The following PCDHGA5 variants were observed in gnomAD, a reference collection of about 807,000 sequenced individuals.
PCDHGA5 encodes the protein protocadherin gamma subfamily A, 5, also known as protocadherin gamma-A5.
In PCDHGA5, 36 loss-of-function variants were observed where a neutral mutation model predicts 56.7. That is an observed-to-expected ratio of 0.64 (90% confidence interval 0.49 to 0.84). The LOEUF is 0.84. Among genes scored for constraint, PCDHGA5 ranks in the 40% least tolerant of loss-of-function variants. The pLI is 0.00. For synonymous variants in PCDHGA5, 563 were observed against 520.2 expected (o/e 1.08, Z -1.12); for missense variants, 1,305 against 1,201.5 (o/e 1.09, Z -1.27).
chr5:141,413,431 G>C (rs963192857), intron 1 of PCDHGA5: 1 of 1,614,092 alleles, frequency 6.2e-7, no homozygotes, highest in Non-Finnish European at 8.5e-7. Flanking sequence ...CCCGCGCAGC[G>C]GCAGCTTGAT....
chr5:141,485,986 G>T lies in PCDHGA5; in HGVS notation c.2422-8821G>T, dbSNP rs2099622467. The T allele has an allele frequency of 1.2e-6, 2 of 1,614,084 alleles. No homozygotes were observed. Among genetic ancestry groups the T allele is most frequent in the African/African-American group, 1.3e-5 (1 of 74,936 alleles). On this transcript the variant is annotated intron_variant, in intron 1 of 3. Transcript: ENST00000518069. This position sits in a 1 kb window ranked among gnomAD's most constrained non-coding sequence, Gnocchi z 5.7. ...AGCTCAATGCCTCAGACCCGGACCT[G>T]GGTCCCAGTGGTAACGTCACCTTTT...
chr5:141,371,930 G>A (rs755224038), intron 1 of PCDHGA5: 5 of 1,613,242 alleles, frequency 3.1e-6, no homozygotes, highest in Non-Finnish European at 3.4e-6. Context: ...CGCGGAGCGG[G>A]GTGGTGTTCG....
At chr5:141,464,443 T>G (rs903733972) in intron 1 of PCDHGA5, among the ~76,000 whole-genome samples, 1 of 151,634 alleles carries the variant, frequency 6.6e-6, no homozygotes, top group African/African-American at 2.4e-5. Context: ...ATGTTTGTTG[T>G]TGTTGTTGTT....
chr5:141,417,566 C>G, intron 1 of PCDHGA5: 1 of 362,746 alleles, frequency 2.8e-6, no homozygotes. Context: ...AGAGAAAAGT[C>G]AAGTTGCAGT....
At chr5:141,387,732 C>A (rs940812767) in intron 1 of PCDHGA5, 15 of 1,279,330 alleles carry the variant, frequency 1.2e-5, no homozygotes, top group South Asian at 1.6e-5. Context: ...CAGCGCCAGC[C>A]TTTACACCGC....
intron 1 of PCDHGA5, chr5:141,389,942 G>T: frequency 1.2e-6 from 2 of 1,614,070 alleles, no homozygotes; most frequent in African/African-American, 2.7e-5. Flanking sequence ...AGGCTGAGCT[G>T]CAGTTTTACC....
chr5:141,420,256 T>C (rs377440259), intron 1 of PCDHGA5: 2 of 1,569,010 alleles, frequency 1.3e-6, no homozygotes, highest in Non-Finnish European at 1.7e-6. Flanking sequence ...TTGAAGCAGA[T>C]AAGAAGATTC....
At chr5:141,480,828 TAAGATC>T (rs1054950452) in intron 1 of PCDHGA5, among the ~76,000 whole-genome samples, 22 of 152,260 alleles carry the variant, frequency 1.4e-4, no homozygotes, top group African/African-American at 5.1e-4. Context: ...GGGTGGATCA[TAAGATC>T]AGGAGTTTGA....
At chr5:141,404,410 A>G (rs1343740045) in intron 1 of PCDHGA5, 2 of 1,613,728 alleles carry the variant, frequency 1.2e-6, no homozygotes, top group Non-Finnish European at 1.7e-6. Context: ...AGAATTCTAG[A>G]GTTATTTACT....
rs778927487 is a variant in PCDHGA5, at chr5:141,364,377, C to A, written c.47C>A (p.Pro16His). Residue 16 changes from proline (P) to histidine (H), a missense_variant, in exon 1 of 4, where the codon CCC becomes CAC. Transcript: ENST00000518069. ...TGGGGCTGCGGAGAGCTGCTGCTGC[C>A]CTTCATGCTCCTGGGGACGCTGTGC... is the stretch of plus-strand genomic sequence containing the variant. ...RGWGCGELLL[P>H]FMLLGTLCEP... 6.3e-6 allele frequency: 10 copies of A among 1,577,000 alleles called. No individual in the cohort carries two copies. In the South Asian group the frequency reaches 7.0e-5, roughly 11 times the overall value.
intron 1 of PCDHGA5, chr5:141,388,709 C>T (rs370023698): frequency 1.9e-6 from 3 of 1,613,820 alleles, no homozygotes; most frequent in Admixed American, 3.3e-5. Context: ...GTGTCAATGC[C>T]GAGATTACTT....
At position 141,365,007 on chromosome 5, in the gene PCDHGA5, C is replaced by T. The variant is rs776739278; in HGVS notation, c.677C>T (p.Thr226Met). The T allele has an allele frequency of 1.2e-6, 2 of 1,613,804 alleles. No individual in the cohort carries two copies. The highest frequency in any genetic ancestry group is 1.3e-5 in the African/African-American group (1 of 74,924). The change falls in exon 1 of 4, where the codon ACG (threonine) becomes ATG (methionine). Residue 226 changes from threonine (T) to methionine (M), a missense_variant. Thr to Met is a moderately conservative substitution (Grantham distance 81). Coordinates refer to ENST00000518069, the MANE Select transcript of PCDHGA5 (RefSeq NM_018918.3). ...GGAGACCCGGTACTCTCCGGCACCACGCACATCCGTGTTACGGTCCTCGAC... is the reference window on the plus strand; with the variant it reads ...GGAGACCCGGTACTCTCCGGCACCATGCACATCCGTGTTACGGTCCTCGAC... ...DGGDPVLSGT[T>M]HIRVTVLDAN...
chr5:141,413,953 C>A, intron 1 of PCDHGA5: 1 of 1,613,310 alleles, frequency 6.2e-7, no homozygotes, highest in Non-Finnish European at 8.5e-7. Context: ...TGAGAATTTG[C>A]CTGTGGGCAC....
At position 141,365,064 on chromosome 5, in the gene PCDHGA5, C is replaced by T. The variant is rs779776168; in HGVS notation, c.734C>T (p.Ser245Phe). 5 of 1,613,856 alleles carry T rather than the reference C, an allele frequency of 3.1e-6. No homozygotes were observed. The Middle Eastern group carries it at 6.6e-4, about 213-fold the overall frequency. ...ANDNAPLFTP[S>F]EYSVSVPENI... is the part of the protein sequence containing the mutation. ...GACAATGCGCCCCTGTTCACCCCAT[C>T]CGAGTACAGCGTGAGTGTTCCAGAG... Residue 245 changes from serine (S) to phenylalanine (F), a missense_variant, in exon 1 of 4, where the codon TCC (serine) becomes TTC (phenylalanine). Ser to Phe is a radical substitution (Grantham distance 155). Coordinates refer to ENST00000518069, the MANE Select transcript of PCDHGA5 (RefSeq NM_018918.3).
At chr5:141,452,912 A>T (rs1301567203) in intron 1 of PCDHGA5, among the ~76,000 whole-genome samples, 1 of 152,228 alleles carries the variant, frequency 6.6e-6, no homozygotes, top group African/African-American at 2.4e-5. Flanking sequence ...GGCATTATAC[A>T]GTAAGAAAGA....
chr5:141,374,973 T>C (rs1770996442), intron 1 of PCDHGA5: 1 of 1,614,028 alleles, frequency 6.2e-7, no homozygotes, highest in Non-Finnish European at 8.5e-7. Flanking sequence ...TTGAATGTTT[T>C]GACTGGAGAA....
chr5:141,428,288 A>G (rs1413902705), intron 1 of PCDHGA5: 1 of 728,846 alleles, frequency 1.4e-6, no homozygotes, highest in Middle Eastern at 2.3e-4. Flanking sequence ...TCCCAAGCAA[A>G]GCTGCAGATT....
At position 141,490,649 on chromosome 5, in the gene PCDHGA5, G is replaced by C. The variant is rs1428223995; in HGVS notation, c.2422-4158G>C. 1 of 1,614,148 alleles carries C rather than the reference G, an allele frequency of 6.2e-7. No homozygotes were observed. Among genetic ancestry groups the C allele is most frequent in the Admixed American group, 1.7e-5 (1 of 60,018 alleles). On this transcript the variant is annotated intron_variant, in intron 1 of 3. Coordinates refer to ENST00000518069, the MANE Select transcript of PCDHGA5 (RefSeq NM_018918.3). The surrounding 1 kb of genome is among the most constrained non-coding windows in gnomAD (Gnocchi z 5.4). ...TACATCCTAGAAAACCGGCCTCCGG[G>C]CTCCCTTCTTTGCACTGTGGCTGCC...
intron 1 of PCDHGA5, among the ~76,000 whole-genome samples, chr5:141,454,795 A>G (rs79012896): frequency 9.1e-6 from 1 of 110,272 alleles, no homozygotes; most frequent in South Asian, 3.0e-4. Flanking sequence ...CCATGGTTCT[A>G]ATTTTTTTTT....
Sources: allele counts gnomAD v4.1 joint callset (sites outside exome capture counted in the v4.1 genomes callset), GRCh38; gene constraint gnomAD v4.1.1; non-coding constraint Gnocchi (gnomAD v3.1); transcripts MANE v1.5; gene names NCBI Gene and HGNC (gene_info 2026-07-23, HGNC 2026-07-21).